PXDNL: variants seen among roughly 807,000 people sequenced by gnomAD.
PXDNL encodes peroxidasin like, also known as probable oxidoreductase PXDNL.
A neutral mutation model predicts 150.8 loss-of-function variants in PXDNL; 145 were observed. The observed-to-expected ratio is 0.96, with a 90% CI of 0.84 to 1.10. PXDNL has a LOEUF of 1.10. PXDNL is among the 50% of genes least tolerant of loss of function. The pLI, the probability that PXDNL is intolerant of heterozygous loss-of-function variation, is 0.00. For synonymous variants in PXDNL, 757 were observed against 725.7 expected (o/e 1.04, Z -0.69); for missense variants, 2,087 against 1,873.9 (o/e 1.11, Z -2.10).
At chr8:51,409,664 C>G (rs1403212004) in intron 16 of PXDNL, 103 bp from the exon 17 acceptor site, 1 of 949,624 alleles carries the variant, frequency 1.1e-6, no homozygotes, top group African/African-American at 1.7e-5. Context: ...CCCGCCCGCC[C>G]TGAGTGAAAA....
At chr8:51,438,559 CA>C (rs1377901682) in intron 12 of PXDNL, among the ~76,000 whole-genome samples, 2 of 152,034 alleles carry the variant, frequency 1.3e-5, no homozygotes, top group Non-Finnish European at 2.9e-5. Flanking sequence ...ACTAAAAATA[CA>C]AAAAATTAGC....
At chr8:51,422,058 C>T (rs1280823310) in intron 14 of PXDNL, among the ~76,000 whole-genome samples, 2 of 152,042 alleles carry the variant, frequency 1.3e-5, no homozygotes, top group Non-Finnish European at 2.9e-5. Context: ...GGAGCACAAA[C>T]CCTATTGTGA....
At position 51,421,529 on chromosome 8, in the gene PXDNL, ATC is replaced by A. The variant is rs796692707; in HGVS notation, c.1795+2044_1795+2045del. On this transcript the variant is annotated intron_variant, in intron 14 of 22. Transcript: ENST00000356297. Reference sequence around the variant, plus strand: ...GGCCTGGCCTACATGGTGAAACCACATCTCTACTAAAAATACAAAAATTAGCC... The same window carrying A: ...GGCCTGGCCTACATGGTGAAACCACATCTACTAAAAATACAAAAATTAGCC... Among the ~76,000 whole-genome samples the A allele has an allele frequency of 5.3e-5, 8 of 152,186 alleles. 1 individual carries two copies. The highest frequency in any genetic ancestry group is 1.9e-4 in the African/African-American group (8 of 41,524).
At chr8:51,578,332 C>A (rs1430329612) in intron 3 of PXDNL, among the ~76,000 whole-genome samples, 1 of 151,778 alleles carries the variant, frequency 6.6e-6, no homozygotes, top group Non-Finnish European at 1.5e-5. Flanking sequence ...TAGTTTCTGG[C>A]AATGAAAATG....
At chr8:51,730,721 G>T (rs889919006) in intron 1 of PXDNL, among the ~76,000 whole-genome samples, 4 of 152,184 alleles carry the variant, frequency 2.6e-5, no homozygotes, top group Non-Finnish European at 5.9e-5. Flanking sequence ...AAGGAAAGAG[G>T]TTTAATGGAC....
At chr8:51,549,714 C>A (rs1289365725) in intron 4 of PXDNL, among the ~76,000 whole-genome samples, 1 of 148,216 alleles carries the variant, frequency 6.7e-6, no homozygotes, top group Admixed American at 6.8e-5. Context: ...GCATTAAATG[C>A]ATAAATCAAA....
At position 51,809,282 on chromosome 8, in the gene PXDNL, C is replaced by A; in HGVS notation, c.63G>T (p.Gly21=). Residue 21 remains glycine (G), a synonymous_variant, in exon 1 of 23, where the codon GGG becomes GGT. Coordinates refer to ENST00000356297, the MANE Select transcript of PXDNL (RefSeq NM_144651.5). The stretch of plus-strand genomic sequence containing the variant: ...AAAGGCACCGGCTGGGGCAGGGCAA[C>A]CCTGGCAGGCACCACCCGGCCAGGA... ...LFLLAGWCLP[G]LPCPSRCLCF... The A allele has an allele frequency of 6.3e-7, 1 of 1,594,630 alleles. No homozygotes were observed. Among genetic ancestry groups the A allele is most frequent in the South Asian group, 1.1e-5 (1 of 88,292 alleles).
At chr8:51,595,239 C>A (rs1489767414) in intron 2 of PXDNL, among the ~76,000 whole-genome samples, 1 of 151,972 alleles carries the variant, frequency 6.6e-6, no homozygotes, top group Non-Finnish European at 1.5e-5. Flanking sequence ...CCAGAGTATG[C>A]CCATATACAC....
At chr8:51,785,278 G>C (rs1227111186) in intron 1 of PXDNL, among the ~76,000 whole-genome samples, 11 of 151,976 alleles carry the variant, frequency 7.2e-5, no homozygotes, top group Admixed American at 4.6e-4. Context: ...TGATTAACAT[G>C]GTTCATTAGA....
intron 6 of PXDNL, among the ~76,000 whole-genome samples, chr8:51,478,036 T>C (rs1257821061): frequency 3.3e-5 from 5 of 152,168 alleles, no homozygotes; most frequent in Non-Finnish European, 5.9e-5. Context: ...AAAAGTATAG[T>C]AAAAGTATAC....
chr8:51,642,705 G>A (rs1814798570), intron 2 of PXDNL, among the ~76,000 whole-genome samples: 2 of 152,320 alleles, frequency 1.3e-5, no homozygotes, highest in South Asian at 4.1e-4. Flanking sequence ...AATCAGGCAG[G>A]AGAAGGAAAT....
chr8:51,768,417 T>C (rs1211369186), intron 1 of PXDNL, among the ~76,000 whole-genome samples: 1 of 152,184 alleles, frequency 6.6e-6, no homozygotes, highest in East Asian at 1.9e-4. Context: ...CAGAGTTTTA[T>C]GTCAAATTTG....
Position 51,609,948 on chromosome 8 carries a change from G to A in PXDNL, c.237-17250C>T, listed in dbSNP as rs377484059. ...CCACTGTCTATGTTTGCAAAGCCCC[G>A]TTTTTCACTCGCTTGTGACCATTTG... On this transcript the variant is annotated intron_variant, in intron 2 of 22. Coordinates refer to ENST00000356297, the MANE Select transcript of PXDNL (RefSeq NM_144651.5). 1.2e-4 allele frequency among the ~76,000 whole-genome samples: 18 copies of A among 152,242 alleles called. No homozygotes were observed. The East Asian group carries it at 1.7e-3, about 15-fold the overall frequency.
intron 21 of PXDNL, among the ~76,000 whole-genome samples, chr8:51,321,801 G>A (rs1805323071): frequency 6.6e-6 from 1 of 152,110 alleles, no homozygotes; most frequent in Admixed American, 6.5e-5. Flanking sequence ...CTTTATAGCA[G>A]TGTGAGAATG....
In PXDNL at chr8:51,494,922, A is replaced by T. The variant is rs542463299; in HGVS notation, c.452+4777T>A. 2.0e-5 allele frequency among the ~76,000 whole-genome samples: 3 copies of T among 152,254 alleles called. No individual in the cohort carries two copies. In the South Asian group the frequency reaches 6.2e-4, roughly 32 times the overall value. On this transcript the variant is annotated intron_variant, in intron 5 of 22. Transcript: ENST00000356297. ...CAGGAATTGAACTCGGCTCTGCACC[A>T]AGCAGACCTAATAGACATCTACAGA... is the stretch of plus-strand genomic sequence containing the variant.
chr8:51,405,449 C>T (rs1808411123), intron 17 of PXDNL, among the ~76,000 whole-genome samples: 1 of 152,148 alleles, frequency 6.6e-6, no homozygotes, highest in African/African-American at 2.4e-5. Context: ...GGATGCGGGG[C>T]TCAAGATACA....
rs185953076 is a variant in PXDNL at position 51,396,593 on chromosome 8, C to T, written c.3557+11474G>A. 1.1e-4 allele frequency among the ~76,000 whole-genome samples: 16 copies of T among 152,280 alleles called. No individual in the cohort carries two copies. In the East Asian group the frequency reaches 3.1e-3, roughly 29 times the overall value. ...CCAACATGGAGAAACTCCATCTCTA[C>T]TAAAAATACAAAAATTAGCCGGGCA... On this transcript the variant is annotated intron_variant, in intron 17 of 22. Coordinates refer to ENST00000356297, the MANE Select transcript of PXDNL (RefSeq NM_144651.5).
Position 51,457,524 on chromosome 8 carries a change from G to T in PXDNL, c.956C>A (p.Ala319Asp). ...TGGAAGACTGGAGTATCTGAGCATGGCACTCTGTGTCTTGGCTTCCCCAGC... is the reference window on the plus strand; with the variant it reads ...TGGAAGACTGGAGTATCTGAGCATGTCACTCTGTGTCTTGGCTTCCCCAGC... ...NSAGEAKTQS[A>D]MLRYSSLPAK... Residue 319 changes from alanine (A) to aspartate (D), a missense_variant, in exon 9 of 23, where the codon GCC (alanine) becomes GAC (aspartate). Physicochemically the swap from Ala to Asp is moderately radical, Grantham distance 126. Transcript: ENST00000356297. 1.2e-6 allele frequency: 2 copies of T among 1,612,526 alleles called. No homozygotes were observed. Among genetic ancestry groups the T allele is most frequent in the Admixed American group, 1.7e-5 (1 of 59,792 alleles).
intron 3 of PXDNL, among the ~76,000 whole-genome samples, chr8:51,568,255 C>T (rs192165118): frequency 2.6e-5 from 4 of 151,880 alleles, no homozygotes; most frequent in African/African-American, 9.6e-5. Flanking sequence ...CATCATTTCC[C>T]TTCTCTTTGA....
Sources: gnomAD v4.1 joint callset for allele counts (sites outside exome capture counted in the v4.1 genomes callset) on GRCh38, gnomAD v4.1.1 for gene constraint, MANE v1.5 for transcripts, NCBI Gene and HGNC (gene_info 2026-07-23, HGNC 2026-07-21) for gene names.